The following MSRA variants were observed in gnomAD, a reference collection of about 807,000 sequenced individuals.
The protein encoded by MSRA is methionine sulfoxide reductase A, also known as mitochondrial peptide methionine sulfoxide reductase.
MSRA carries 54 observed loss-of-function variants against 31.3 expected under a neutral mutation model. The ratio of observed to expected loss-of-function variants is 1.73; its 90% CI spans 1.39 to 2.17. MSRA has a LOEUF of 2.17. Ranked by LOEUF, MSRA falls within the 30% of genes most tolerant of loss-of-function variation. MSRA has a pLI of 0.00. For synonymous variants in MSRA, 169 were observed against 116.5 expected (o/e 1.45, Z -2.90); for missense variants, 507 against 300.9 (o/e 1.69, Z -5.07).
intron 1 of MSRA, among the ~76,000 whole-genome samples, chr8:10,205,909 A>G (rs769569800): frequency 6.6e-6 from 1 of 152,218 alleles, no homozygotes; most frequent in African/African-American, 2.4e-5. Flanking sequence ...ATGTTGGGTA[A>G]TATTCCATTC....
At chr8:10,118,466 G>T (rs1049609459) in intron 1 of MSRA, among the ~76,000 whole-genome samples, 2 of 152,022 alleles carry the variant, frequency 1.3e-5, no homozygotes, top group Non-Finnish European at 2.9e-5. Flanking sequence ...AATGCTACAG[G>T]CCTGATCCAT....
chr8:10,127,096 C>G (rs1433341521), intron 1 of MSRA, among the ~76,000 whole-genome samples: 2 of 152,314 alleles, frequency 1.3e-5, no homozygotes, highest in East Asian at 1.9e-4. Context: ...GAATTCATAA[C>G]TTTGTATTCT....
At chr8:10,327,036 T>A (rs1454645302) in intron 5 of MSRA, among the ~76,000 whole-genome samples, 1 of 152,212 alleles carries the variant, frequency 6.6e-6, no homozygotes, top group African/African-American at 2.4e-5. Context: ...CTGCCAGCTC[T>A]TCAAGTCTTC....
At chr8:10,193,378 C>T (rs1184160912) in intron 1 of MSRA, among the ~76,000 whole-genome samples, 6 of 152,186 alleles carry the variant, frequency 3.9e-5, no homozygotes, top group Non-Finnish European at 8.8e-5. Context: ...CTCTGTCTCC[C>T]CTGTGTTTGA....
chr8:10,142,192 A>G (rs925622192), intron 1 of MSRA, among the ~76,000 whole-genome samples: 17 of 152,162 alleles, frequency 1.1e-4, no homozygotes, highest in African/African-American at 3.9e-4. Context: ...TCCCGACCTC[A>G]GGTGATCCAC....
At chr8:10,266,477 G>T (rs1490083893) in intron 3 of MSRA, among the ~76,000 whole-genome samples, 1 of 152,068 alleles carries the variant, frequency 6.6e-6, no homozygotes, top group African/African-American at 2.4e-5. Flanking sequence ...ATATATTCTG[G>T]AAACAAGTCC....
intron 1 of MSRA, among the ~76,000 whole-genome samples, chr8:10,137,656 C>T (rs1802383597): frequency 6.6e-6 from 1 of 152,120 alleles, no homozygotes; most frequent in African/African-American, 2.4e-5. Flanking sequence ...TGGGAGACCC[C>T]ACTTCCTAAC....
intron 2 of MSRA, among the ~76,000 whole-genome samples, chr8:10,208,211 A>ATTT (rs796930545): frequency 2.0e-5 from 3 of 146,486 alleles, no homozygotes; most frequent in Admixed American, 6.8e-5. Context: ...GCTAGCACGG[A>ATTT]TTTTTTTTTT....
intron 5 of MSRA, among the ~76,000 whole-genome samples, chr8:10,333,808 C>CA (rs1164926902): frequency 6.6e-6 from 1 of 151,852 alleles, no homozygotes; most frequent in African/African-American, 2.4e-5. Flanking sequence ...TTCTCCACCC[C>CA]ACCCCCCCCA....
intron 2 of MSRA, among the ~76,000 whole-genome samples, chr8:10,217,430 G>A (rs779388085): frequency 6.6e-6 from 1 of 152,186 alleles, no homozygotes; most frequent in Non-Finnish European, 1.5e-5. Flanking sequence ...GAAGTTAATT[G>A]CGTTGTATCT....
intron 5 of MSRA, among the ~76,000 whole-genome samples, chr8:10,405,139 A>C (rs1352367599): frequency 6.6e-6 from 1 of 152,102 alleles, no homozygotes; most frequent in African/African-American, 2.4e-5. Context: ...TCTCTTCACA[A>C]AATAGCAAGA....
intron 1 of MSRA, among the ~76,000 whole-genome samples, chr8:10,066,505 A>C (rs1465476591): frequency 6.6e-6 from 1 of 152,162 alleles, no homozygotes; most frequent in Admixed American, 6.5e-5. Flanking sequence ...TTAATAGTAC[A>C]TCATAATATC....
intron 3 of MSRA, among the ~76,000 whole-genome samples, chr8:10,261,900 T>C (rs1337902123): frequency 1.3e-5 from 2 of 152,200 alleles, no homozygotes; most frequent in African/African-American, 4.8e-5. Context: ...AATCACTAGC[T>C]TTTTACCTTT....
chr8:10,074,787 T>C (rs1289395964), intron 1 of MSRA, among the ~76,000 whole-genome samples: 1 of 152,120 alleles, frequency 6.6e-6, no homozygotes, highest in African/African-American at 2.4e-5. Context: ...GCCTCCCAAG[T>C]AGCTGAGGTT....
At chr8:10,282,442 G>A (rs1401413037) in intron 3 of MSRA, among the ~76,000 whole-genome samples, 1 of 152,354 alleles carries the variant, frequency 6.6e-6, no homozygotes, top group South Asian at 2.1e-4. Context: ...TGATCCAGAT[G>A]TTTTCTGTTA....
intron 5 of MSRA, among the ~76,000 whole-genome samples, chr8:10,361,723 T>C (rs1355296889): frequency 1.3e-5 from 2 of 152,226 alleles, no homozygotes; most frequent in Non-Finnish European, 2.9e-5. Context: ...GAAAGACTTT[T>C]ATTTAAATGT....
chr8:10,274,720 TC>T (rs1199407255), intron 3 of MSRA, among the ~76,000 whole-genome samples: 1 of 152,054 alleles, frequency 6.6e-6, no homozygotes, highest in Non-Finnish European at 1.5e-5. Context: ...TATCCATGTA[TC>T]CACTCATCCA....
chr8:10,424,405 G>A (rs922559027), intron 5 of MSRA, among the ~76,000 whole-genome samples: 2 of 146,210 alleles, frequency 1.4e-5, no homozygotes, highest in Non-Finnish European at 3.0e-5. Flanking sequence ...AGAAGGACCC[G>A]GAATGGAATA....
intron 1 of MSRA, among the ~76,000 whole-genome samples, chr8:10,150,510 A>G (rs4840465): frequency 2.0e-5 from 3 of 152,194 alleles, no homozygotes; most frequent in East Asian, 3.8e-4. Context: ...TCAAAATGCA[A>G]CCATGTAATC....
Sources: gnomAD v4.1 joint callset for allele counts (sites outside exome capture counted in the v4.1 genomes callset) on GRCh38, gnomAD v4.1.1 for gene constraint, MANE v1.5 for transcripts, NCBI Gene and HGNC (gene_info 2026-07-23, HGNC 2026-07-21) for gene names.